The following TENM4 variants were observed in gnomAD, a reference collection of about 807,000 sequenced individuals.
TENM4 encodes the protein teneurin-4.
In TENM4, 82 loss-of-function variants were observed where a neutral mutation model predicts 243.3. That is an observed-to-expected ratio of 0.34 (90% CI 0.28 to 0.40). The LOEUF is 0.40. Ranked by LOEUF, TENM4 falls within the 10% of genes least tolerant of loss-of-function variation. The probability of loss-of-function intolerance (pLI) is 1.00; values close to 1 mark genes in which losing one functional copy is unlikely to be tolerated. For missense variants in TENM4, 3,138 were observed against 3,673.3 expected (o/e 0.85, Z 3.77); for synonymous variants, 1,412 against 1,456.3 (o/e 0.97, Z 0.69).
intron 2 of TENM4, among the ~76,000 whole-genome samples, chr11:79,268,736 T>A (rs1855921000): frequency 6.6e-6 from 1 of 152,232 alleles, no homozygotes; most frequent in Non-Finnish European, 1.5e-5. Context: ...GTAAAAAGTT[T>A]CCTTTTTGCA....
chr11:78,766,696 G>A (rs1488134586), intron 18 of TENM4, among the ~76,000 whole-genome samples: 3 of 118,890 alleles, frequency 2.5e-5, no homozygotes, highest in East Asian at 4.4e-4. Flanking sequence ...CATACTGTTC[G>A]GCTCCCCCAA....
intron 2 of TENM4, among the ~76,000 whole-genome samples, chr11:79,239,655 G>A (rs1864551040): frequency 6.6e-6 from 1 of 152,148 alleles, no homozygotes; most frequent in African/African-American, 2.4e-5. Context: ...AAGAACAAAA[G>A]AAACTAACAG....
rs1467841546 is a variant in TENM4, at chr11:78,748,374, A to G, written c.2756+8431T>C. Among the ~76,000 whole-genome samples the G allele has an allele frequency of 2.0e-5, 3 of 152,236 alleles. No homozygotes were observed. In the South Asian group the frequency reaches 6.2e-4, roughly 31 times the overall value. On this transcript the variant is annotated intron_variant, in intron 19 of 33. Transcript: ENST00000278550. ...CTTGTCTAAGGTCACACAGCTAGCAAACAGTGAGGCTGAGAGTCCAACCTC... is the reference window on the plus strand; with the variant it reads ...CTTGTCTAAGGTCACACAGCTAGCAGACAGTGAGGCTGAGAGTCCAACCTC...
intron 1 of TENM4, among the ~76,000 whole-genome samples, chr11:79,412,078 G>A (rs1256872196): frequency 1.3e-5 from 2 of 152,188 alleles, no homozygotes; most frequent in Non-Finnish European, 2.9e-5. Flanking sequence ...AGGCCCTGGT[G>A]GCCAGGCCTG....
At chr11:78,906,551 G>T (rs978184994) in intron 6 of TENM4, among the ~76,000 whole-genome samples, 1 of 152,204 alleles carries the variant, frequency 6.6e-6, no homozygotes, top group African/African-American at 2.4e-5. Flanking sequence ...ACTGGTCCAG[G>T]TCTAAAAACT....
At chr11:78,794,420 T>C (rs1299693057) in intron 15 of TENM4, among the ~76,000 whole-genome samples, 2 of 152,064 alleles carry the variant, frequency 1.3e-5, no homozygotes, top group African/African-American at 2.4e-5. Flanking sequence ...CTCCGTGAGG[T>C]AGGAGGCGGG....
intron 6 of TENM4, among the ~76,000 whole-genome samples, chr11:78,975,195 C>T (rs764505813): frequency 1.3e-5 from 2 of 151,378 alleles, no homozygotes; most frequent in Non-Finnish European, 2.9e-5. Flanking sequence ...GTGGGTGGGG[C>T]GACAACTGGA....
At chr11:78,845,286 A>T (rs1241780383) in intron 12 of TENM4, among the ~76,000 whole-genome samples, 1 of 152,258 alleles carries the variant, frequency 6.6e-6, no homozygotes, top group Non-Finnish European at 1.5e-5. Context: ...ATTTAGAAAC[A>T]CACTGAGTAC....
rs1156794390 is a variant in TENM4, at chr11:78,805,466, C to T, written c.2005G>A (p.Gly669Ser). 1 of 1,588,176 alleles carries T rather than the reference C, an allele frequency of 6.3e-7. No individual in the cohort carries two copies. ...EVDCMDPTCS[G>S]RGVCVRGECH... ...TCGCCTCTCACGCAGACACCCCGGC[C>T]TGAACATGTGGGGTCCATGCAGTCC... Residue 669 changes from glycine to serine, a missense_variant, in exon 15 of 34, where the codon GGC becomes AGC. Transcript: ENST00000278550.
chr11:78,778,389 G>A (rs998431371), intron 17 of TENM4, among the ~76,000 whole-genome samples: 1 of 152,098 alleles, frequency 6.6e-6, no homozygotes, highest in Non-Finnish European at 1.5e-5. Context: ...CATCTTGTGG[G>A]GAGAATGACA....
At chr11:78,851,227 G>A (rs1439380104) in intron 12 of TENM4, among the ~76,000 whole-genome samples, 1 of 152,192 alleles carries the variant, frequency 6.6e-6, no homozygotes, top group Admixed American at 6.5e-5. Context: ...AGCAGAATCT[G>A]CATTTTATCA....
At chr11:78,996,111 T>C (rs1015269674) in intron 6 of TENM4, among the ~76,000 whole-genome samples, 2 of 152,200 alleles carry the variant, frequency 1.3e-5, no homozygotes, top group African/African-American at 4.8e-5. Flanking sequence ...ATTTTAAAGA[T>C]GGCTGCAAAT....
intron 1 of TENM4, among the ~76,000 whole-genome samples, chr11:79,379,253 A>G (rs776275616): frequency 6.6e-6 from 1 of 152,198 alleles, no homozygotes; most frequent in Non-Finnish European, 1.5e-5. Flanking sequence ...AGAACAGCAC[A>G]AGGAAAGTCA....
At chr11:79,118,581 A>G (rs1222347331) in intron 4 of TENM4, among the ~76,000 whole-genome samples, 3 of 152,156 alleles carry the variant, frequency 2.0e-5, no homozygotes, top group Non-Finnish European at 2.9e-5. Flanking sequence ...AGACCCTGGC[A>G]ACCACCCTTC....
At chr11:78,952,461 G>A (rs556148365) in intron 6 of TENM4, among the ~76,000 whole-genome samples, 2 of 152,332 alleles carry the variant, frequency 1.3e-5, no homozygotes. Context: ...AACAACGTGA[G>A]GGATGGATTA....
chr11:79,277,667 G>A (rs1166311579), intron 2 of TENM4, among the ~76,000 whole-genome samples: 1 of 152,198 alleles, frequency 6.6e-6, no homozygotes, highest in Non-Finnish European at 1.5e-5. Context: ...GAGGGGATGT[G>A]AACTGGGGGC....
intron 15 of TENM4, among the ~76,000 whole-genome samples, chr11:78,798,888 C>T (rs11237625): frequency 0.092 from 13,925 of 152,120 alleles, 900 homozygotes; most frequent in East Asian, 0.34. Flanking sequence ...CTTTTGTGCT[C>T]CCAAACCCTA....
At chr11:79,043,982 T>C (rs1859599174) in intron 6 of TENM4, among the ~76,000 whole-genome samples, 1 of 152,196 alleles carries the variant, frequency 6.6e-6, no homozygotes, top group African/African-American at 2.4e-5. Flanking sequence ...GGTTTTGCAC[T>C]AAGCCATAAT....
chr11:78,923,140 C>G (rs1856480793), intron 6 of TENM4, among the ~76,000 whole-genome samples: 1 of 152,080 alleles, frequency 6.6e-6, no homozygotes, highest in African/African-American at 2.4e-5. Flanking sequence ...TGGTGAGGGC[C>G]AGATTCACGG....
Sources: gnomAD v4.1 joint callset for allele counts (sites outside exome capture counted in the v4.1 genomes callset) on GRCh38, gnomAD v4.1.1 for gene constraint, MANE v1.5 for transcripts, NCBI Gene and HGNC (gene_info 2026-07-23, HGNC 2026-07-21) for gene names.